Variants in WWOX observed in about 807,000 individuals in gnomAD.
WWOX encodes the protein WW domain containing oxidoreductase, also known as WW domain-containing oxidoreductase.
Under a neutral mutation model 46.2 loss-of-function variants are expected in WWOX, and 69 were observed. That is an observed-to-expected ratio of 1.49 (90% CI 1.23 to 1.82). The LOEUF (loss-of-function observed/expected upper bound fraction) is 1.82. Ranked by LOEUF, WWOX falls within the 40% of genes most tolerant of loss-of-function variation. The pLI is 0.00. For synonymous variants in WWOX, 359 were observed against 202.6 expected (o/e 1.77, Z -6.56); for missense variants, 919 against 542.6 (o/e 1.69, Z -6.89).
rs956875881 is a variant in WWOX at position 78,808,284 on chromosome 16, C to T, written c.1056+375532C>T. On this transcript the variant is annotated intron_variant, in intron 8 of 8. Coordinates refer to ENST00000566780, the MANE Select transcript of WWOX (RefSeq NM_016373.4). Reference sequence around the variant, plus strand: ...TCATTCACCCCTTTGGACTATGGATCCGTTTGCAACCCAGGAACAACTACT... The same window carrying T: ...TCATTCACCCCTTTGGACTATGGATTCGTTTGCAACCCAGGAACAACTACT... Among the ~76,000 whole-genome samples, 3 of 152,180 alleles carry T rather than the reference C, an allele frequency of 2.0e-5. No individual in the cohort carries two copies. In the East Asian group the frequency reaches 5.8e-4, roughly 29 times the overall value.
intron 8 of WWOX, among the ~76,000 whole-genome samples, chr16:78,923,135 C>A (rs914815238): frequency 1.1e-4 from 16 of 151,990 alleles, no homozygotes; most frequent in Non-Finnish European, 1.9e-4. Flanking sequence ...GGATGTGCCA[C>A]CATGCCAGGC....
rs1393066194 is a variant in WWOX at position 78,569,512 on chromosome 16, A to G, written c.1056+136760A>G. On this transcript the variant is annotated intron_variant, in intron 8 of 8. Transcript: ENST00000566780. ...TGATTCTTTTCGTAACTGCAATTTTATCGGCTCCTTTTTGTACATATATGA... is the reference window on the plus strand; with the variant it reads ...TGATTCTTTTCGTAACTGCAATTTTGTCGGCTCCTTTTTGTACATATATGA... Among the ~76,000 whole-genome samples the G allele has an allele frequency of 2.0e-5, 3 of 152,238 alleles. No individual in the cohort carries two copies. In the East Asian group the frequency reaches 5.8e-4, roughly 29 times the overall value.
chr16:78,972,605 C>T (rs1182074242), intron 8 of WWOX, among the ~76,000 whole-genome samples: 1 of 152,084 alleles, frequency 6.6e-6, no homozygotes, highest in African/African-American at 2.4e-5. Context: ...TTGAATGGCA[C>T]ATGTCATAAA....
At chr16:78,671,061 C>T (rs1030821680) in intron 8 of WWOX, among the ~76,000 whole-genome samples, 2 of 152,124 alleles carry the variant, frequency 1.3e-5, no homozygotes, top group South Asian at 4.2e-4. Flanking sequence ...CCTGCAGAAC[C>T]CCCAGAAGGG....
chr16:78,692,612 C>A (rs2048015141), intron 8 of WWOX, among the ~76,000 whole-genome samples: 1 of 152,156 alleles, frequency 6.6e-6, no homozygotes, highest in African/African-American at 2.4e-5. Context: ...AATCTCTCAC[C>A]CCCATGTTTA....
At chr16:79,019,245 A>AAT (rs1210270073) in intron 8 of WWOX, among the ~76,000 whole-genome samples, 2 of 148,442 alleles carry the variant, frequency 1.3e-5, no homozygotes, top group Non-Finnish European at 3.0e-5. Context: ...GTGGGGATGC[A>AAT]ATTCTGAGAA....
At chr16:78,869,975 G>C (rs532540801) in intron 8 of WWOX, among the ~76,000 whole-genome samples, 1 of 152,302 alleles carries the variant, frequency 6.6e-6, no homozygotes, top group East Asian at 1.9e-4. Flanking sequence ...TAAAGGTTTT[G>C]GAAGCTGAAT....
intron 8 of WWOX, among the ~76,000 whole-genome samples, chr16:79,143,394 C>G (rs184946412): frequency 4.6e-5 from 7 of 152,236 alleles, no homozygotes; most frequent in African/African-American, 1.7e-4. Context: ...GCCTGAAGAT[C>G]AATCATTGTA....
intron 8 of WWOX, among the ~76,000 whole-genome samples, chr16:78,586,412 C>T (rs772733501): frequency 2.9e-4 from 44 of 152,036 alleles, no homozygotes; most frequent in Non-Finnish European, 5.4e-4. Context: ...GGAGGTAAGG[C>T]CAGATTTCTT....
At chr16:78,292,916 C>A (rs1296102163) in intron 5 of WWOX, among the ~76,000 whole-genome samples, 1 of 152,140 alleles carries the variant, frequency 6.6e-6, no homozygotes, top group Non-Finnish European at 1.5e-5. Context: ...AGGTATTCTG[C>A]CAGAGTGTGA....
At chr16:78,662,774 G>A (rs1339716165) in intron 8 of WWOX, among the ~76,000 whole-genome samples, 1 of 152,158 alleles carries the variant, frequency 6.6e-6, no homozygotes, top group Non-Finnish European at 1.5e-5. Flanking sequence ...CACAGTTGTT[G>A]GCAAGATGTA....
At chr16:78,984,502 C>T (rs2046746466) in intron 8 of WWOX, among the ~76,000 whole-genome samples, 1 of 152,186 alleles carries the variant, frequency 6.6e-6, no homozygotes, top group Non-Finnish European at 1.5e-5. Flanking sequence ...GCCAATAAAA[C>T]TTTATTTACA....
chr16:78,940,907 G>C (rs1016178904), intron 8 of WWOX, among the ~76,000 whole-genome samples: 2 of 151,832 alleles, frequency 1.3e-5, no homozygotes, highest in Admixed American at 6.6e-5. Flanking sequence ...TGTCTATGCT[G>C]TCCATTTGCT....
chr16:79,038,788 G>A (rs1214532918), intron 8 of WWOX, among the ~76,000 whole-genome samples: 1 of 152,078 alleles, frequency 6.6e-6, no homozygotes, highest in African/African-American at 2.4e-5. Flanking sequence ...AACTTCAGGT[G>A]ACCCACCTGC....
chr16:78,466,847 C>CAAA (rs111862787), intron 8 of WWOX, among the ~76,000 whole-genome samples: 250 of 146,538 alleles, frequency 1.7e-3, no homozygotes, highest in African/African-American at 6.0e-3. Flanking sequence ...GACTCCGTCT[C>CAAA]AAAAAAAAAA....
chr16:78,601,530 A>G (rs1161302416), intron 8 of WWOX, among the ~76,000 whole-genome samples: 3 of 152,188 alleles, frequency 2.0e-5, no homozygotes, highest in African/African-American at 7.2e-5. Context: ...CCCCACCGCC[A>G]TTTTCCAAAT....
chr16:78,770,782 G>A (rs1233967175), intron 8 of WWOX, among the ~76,000 whole-genome samples: 1 of 93,430 alleles, frequency 1.1e-5, no homozygotes, highest in South Asian at 3.8e-4. Flanking sequence ...CATGGCGTCC[G>A]CTGGCAAAGG....
At chr16:79,174,990 C>T (rs189735249) in intron 8 of WWOX, among the ~76,000 whole-genome samples, 19 of 152,228 alleles carry the variant, frequency 1.2e-4, no homozygotes, top group East Asian at 5.8e-4. Context: ...AACATGCACG[C>T]GTTCTCTCCC....
intron 8 of WWOX, among the ~76,000 whole-genome samples, chr16:78,858,430 G>C (rs1318041884): frequency 1.3e-5 from 2 of 151,636 alleles, no homozygotes; most frequent in African/African-American, 4.8e-5. Context: ...TTTTGAGTTG[G>C]AAAAAGCAAA....
Sources: gnomAD v4.1 joint callset for allele counts (sites outside exome capture counted in the v4.1 genomes callset) on GRCh38, gnomAD v4.1.1 for gene constraint, MANE v1.5 for transcripts, NCBI Gene and HGNC (gene_info 2026-07-23, HGNC 2026-07-21) for gene names.